Variants in ARL14EPL observed in about 807,000 individuals in gnomAD.
The protein encoded by ARL14EPL is ARL14 effector protein-like.
Under a neutral mutation model 15.9 loss-of-function variants are expected in ARL14EPL, and 17 were observed. That is an observed-to-expected ratio of 1.07 (90% CI 0.73 to 1.60). ARL14EPL has a LOEUF of 1.60. ARL14EPL is among the 40% of genes most tolerant of loss of function. The probability of loss-of-function intolerance (pLI) is 0.00; values close to 1 mark genes in which losing one functional copy is unlikely to be tolerated. For synonymous variants in ARL14EPL, 78 were observed against 63.8 expected (o/e 1.22, Z -1.06); for missense variants, 214 against 185.9 (o/e 1.15, Z -0.88).
chr5:116,055,919 T>C (rs1183828603), intron 3 of ARL14EPL, among the ~76,000 whole-genome samples: 2 of 152,188 alleles, frequency 1.3e-5, no homozygotes, highest in Non-Finnish European at 2.9e-5. Context: ...GTCCTTGCGA[T>C]AGTTTGCTAA....
intron 1 of ARL14EPL, among the ~76,000 whole-genome samples, chr5:116,041,238 C>T (rs534854054): frequency 6.6e-6 from 1 of 152,102 alleles, no homozygotes; most frequent in Admixed American, 6.5e-5. Flanking sequence ...TATTCTATGG[C>T]TTTTGGCAAA....
chr5:116,040,300 A>G (rs1749124889), intron 1 of ARL14EPL, among the ~76,000 whole-genome samples: 2 of 151,966 alleles, frequency 1.3e-5, no homozygotes, highest in Admixed American at 1.3e-4. Context: ...CCTGTTATAT[A>G]CCAAATGGCT....
chr5:116,057,328 A>T (rs901758024), intron 3 of ARL14EPL, among the ~76,000 whole-genome samples: 21 of 152,080 alleles, frequency 1.4e-4, no homozygotes, highest in African/African-American at 4.6e-4. Context: ...TAAGCTGGAC[A>T]GTGGGCACAC....
chr5:116,037,965 C>G (rs1028670791), intron 1 of ARL14EPL, among the ~76,000 whole-genome samples: 6 of 152,152 alleles, frequency 3.9e-5, no homozygotes, highest in African/African-American at 7.2e-5. Context: ...AGAAAATGCT[C>G]TCAGTCACTG....
chr5:116,053,936 AG>A (rs1749454419), intron 2 of ARL14EPL, 77 bp from the exon 3 acceptor site: 1 of 1,293,820 alleles, frequency 7.7e-7, no homozygotes, highest in Non-Finnish European at 1.0e-6. Context: ...TGAAAGTTAC[AG>A]AAAGTTCATT....
intron 3 of ARL14EPL, 75 bp downstream of exon 3, chr5:116,054,228 G>A: frequency 7.3e-7 from 1 of 1,360,570 alleles, no homozygotes. Flanking sequence ...AGCAATGAAA[G>A]ATTCCCTCTT....
chr5:116,053,985 T>C, intron 2 of ARL14EPL, 29 bp from the exon 3 acceptor site: 1 of 1,506,856 alleles, frequency 6.6e-7, no homozygotes, highest in Non-Finnish European at 8.8e-7. Context: ...ATCTGGTTCT[T>C]ACTATTAATA....
At chr5:116,040,062 T>C (rs1199733030) in intron 1 of ARL14EPL, among the ~76,000 whole-genome samples, 1 of 152,212 alleles carries the variant, frequency 6.6e-6, no homozygotes, top group Admixed American at 6.5e-5. Flanking sequence ...CCAAACTTTT[T>C]ACTCTCCCAA....
At chr5:116,052,936 C>T (rs1749420725) in intron 2 of ARL14EPL, among the ~76,000 whole-genome samples, 1 of 152,180 alleles carries the variant, frequency 6.6e-6, no homozygotes, top group South Asian at 2.1e-4. Flanking sequence ...TTTCTTCCCT[C>T]ATGACATGTG....
At chr5:116,047,523 G>C (rs1486893188) in intron 1 of ARL14EPL, among the ~76,000 whole-genome samples, 1 of 152,208 alleles carries the variant, frequency 6.6e-6, no homozygotes, top group Admixed American at 6.5e-5. Context: ...AAATTGTACT[G>C]CTTAGGTTCA....
intron 1 of ARL14EPL, among the ~76,000 whole-genome samples, chr5:116,041,249 C>T (rs2662463): frequency 0.84 from 127,873 of 152,030 alleles, 53,880 homozygotes; most frequent in African/African-American, 0.88. Flanking sequence ...TTTTGGCAAA[C>T]GTATAATGGC....
chr5:116,054,647 C>G (rs1163320570), intron 3 of ARL14EPL, among the ~76,000 whole-genome samples: 1 of 151,982 alleles, frequency 6.6e-6, no homozygotes, highest in African/African-American at 2.4e-5. Context: ...CTGGCTAACA[C>G]GGTGAAACCC....
intron 1 of ARL14EPL, among the ~76,000 whole-genome samples, chr5:116,042,783 A>G (rs1749187668): frequency 6.6e-6 from 1 of 152,180 alleles, no homozygotes; most frequent in South Asian, 2.1e-4. Flanking sequence ...CAGACCCTAT[A>G]TCATATAGAA....
chr5:116,040,352 T>C (rs1301435895), intron 1 of ARL14EPL, among the ~76,000 whole-genome samples: 2 of 151,650 alleles, frequency 1.3e-5, no homozygotes, highest in Non-Finnish European at 2.9e-5. Flanking sequence ...ATAGAAATTA[T>C]AGCCATTTGG....
rs780959596 is a variant in ARL14EPL, at chr5:116,058,789, C to G, written c.301C>G (p.Leu101Val). 8.5e-6 allele frequency: 13 copies of G among 1,535,810 alleles called. No individual in the cohort carries two copies. Among genetic ancestry groups the G allele is most frequent in the Non-Finnish European group, 9.6e-6 (11 of 1,146,916 alleles). The change falls in exon 4 of 4, where the codon CTA becomes GTA. Residue 101 changes from leucine to valine, a missense_variant. Leu to Val is a conservative substitution (Grantham distance 32). Coordinates refer to ENST00000686077, the MANE Select transcript of ARL14EPL (RefSeq NM_001195581.2). ...TAATGACGCTGATCTGTGTGATTGT[C>G]TAGAGAAGAACTGCCTGGGCTGCTT... ...ICNDADLCDC[L>V]EKNCLGCFYP...
chr5:116,042,235 CT>C (rs1333626772), intron 1 of ARL14EPL, among the ~76,000 whole-genome samples: 2 of 152,202 alleles, frequency 1.3e-5, no homozygotes, highest in African/African-American at 4.8e-5. Flanking sequence ...TGATGCACAT[CT>C]TGTGCTTATT....
At chr5:116,054,899 A>C (rs1304724074) in intron 3 of ARL14EPL, among the ~76,000 whole-genome samples, 39 of 151,564 alleles carry the variant, frequency 2.6e-4, no homozygotes. Flanking sequence ...GAAAATGATA[A>C]ATTTAACTAC....
chr5:116,058,183 G>T (rs1361269440), intron 3 of ARL14EPL, among the ~76,000 whole-genome samples: 1 of 152,002 alleles, frequency 6.6e-6, no homozygotes, highest in Non-Finnish European at 1.5e-5. Context: ...AGAAGAAATG[G>T]CACTTGGAGA....
intron 1 of ARL14EPL, among the ~76,000 whole-genome samples, chr5:116,037,505 C>T (rs1248110938): frequency 6.6e-6 from 1 of 152,014 alleles, no homozygotes; most frequent in African/African-American, 2.4e-5. Flanking sequence ...AAGCAGTGTC[C>T]ATTTTGGCTC....
Sources: gnomAD v4.1 joint callset for allele counts (sites outside exome capture counted in the v4.1 genomes callset) on GRCh38, gnomAD v4.1.1 for gene constraint, MANE v1.5 for transcripts, NCBI Gene and HGNC (gene_info 2026-07-23, HGNC 2026-07-21) for gene names.